ZFHX3: variants seen among roughly 807,000 people sequenced by gnomAD.
The protein encoded by ZFHX3 is zinc finger homeobox 3.
ZFHX3 carries 42 observed loss-of-function variants against 279.1 expected under a neutral mutation model. The observed-to-expected ratio is 0.15, with a 90% CI of 0.12 to 0.19. The LOEUF is 0.19. Among genes scored for constraint, ZFHX3 ranks in the 10% least tolerant of loss-of-function variants. ZFHX3 has a pLI of 1.00. For missense variants in ZFHX3, 4,981 were observed against 4,754.0 expected (o/e 1.05, Z -1.40); for synonymous variants, 2,293 against 1,957.8 (o/e 1.17, Z -4.52).
At chr16:73,040,846 AC>A (rs1965084734) in intron 1 of ZFHX3, among the ~76,000 whole-genome samples, 1 of 152,212 alleles carries the variant, frequency 6.6e-6, no homozygotes, top group Non-Finnish European at 1.5e-5. Context: ...TTTACTTCCC[AC>A]TACAAATGTA....
At chr16:73,270,440 G>A (rs1010979095) in intron 4 of ZFHX3, among the ~76,000 whole-genome samples, 8 of 152,262 alleles carry the variant, frequency 5.3e-5, no homozygotes, top group African/African-American at 1.9e-4. Context: ...CTTCCATGCT[G>A]AGCTCATCTC....
intron 3 of ZFHX3, among the ~76,000 whole-genome samples, chr16:73,394,192 GA>G (rs1321681501): frequency 6.7e-6 from 1 of 149,430 alleles, no homozygotes; most frequent in African/African-American, 2.5e-5. Flanking sequence ...ATAAAACGTC[GA>G]ATAAGGCAGG....
intron 2 of ZFHX3, among the ~76,000 whole-genome samples, chr16:73,474,558 G>C (rs891408997): frequency 6.6e-6 from 1 of 152,174 alleles, no homozygotes; most frequent in South Asian, 2.1e-4. Context: ...GGAAGCAGTG[G>C]TGGGGGTGGC....
chr16:73,033,938 A>G (rs1228030512), intron 1 of ZFHX3, among the ~76,000 whole-genome samples: 1 of 152,226 alleles, frequency 6.6e-6, no homozygotes, highest in Non-Finnish European at 1.5e-5. Context: ...TGAAAGCAGC[A>G]TCTTCTCTAG....
At chr16:73,870,407 A>C (rs1452200177) in intron 1 of ZFHX3, among the ~76,000 whole-genome samples, 1 of 152,178 alleles carries the variant, frequency 6.6e-6, no homozygotes, top group Non-Finnish European at 1.5e-5. Context: ...AGTCCTACGG[A>C]GGAGAGACAA....
intron 8 of ZFHX3, among the ~76,000 whole-genome samples, chr16:73,069,779 G>C (rs532627759): frequency 1.3e-5 from 2 of 152,244 alleles, no homozygotes; most frequent in South Asian, 4.1e-4. Flanking sequence ...CACTTCCCAC[G>C]GGCTTTGGCC....
chr16:73,691,452 CGG>C (rs2053148938), intron 1 of ZFHX3, among the ~76,000 whole-genome samples: 1 of 152,188 alleles, frequency 6.6e-6, no homozygotes, highest in Non-Finnish European at 1.5e-5. Context: ...GTGGGACCAT[CGG>C]CTTTATTTAG....
chr16:72,993,069 G>C (rs1963154262), intron 1 of ZFHX3, among the ~76,000 whole-genome samples: 1 of 152,250 alleles, frequency 6.6e-6, no homozygotes, highest in African/African-American at 2.4e-5. Flanking sequence ...CTGGGAGGTG[G>C]AGGCTGTGGT....
chr16:72,787,996 G>T lies in ZFHX3; in HGVS notation c.10280C>A (p.Thr3427Asn), dbSNP rs751991168. The change falls in exon 10 of 10, where the codon ACC becomes AAC. Residue 3427 changes from threonine (T) to asparagine (N), a missense_variant. Coordinates refer to ENST00000268489, the MANE Select transcript of ZFHX3 (RefSeq NM_006885.4). Reference protein sequence around the residue: ...ESPKPEEQKNTPREVSPLLPK... With the variant: ...ESPKPEEQKNNPREVSPLLPK... ...CAGGAGGGGGGACACCTCACGGGGG[G>T]TGTTTTTCTGTTCTTCTGGTTTGGG... is the stretch of plus-strand genomic sequence containing the variant. The T allele has an allele frequency of 5.0e-6, 8 of 1,612,988 alleles. No homozygotes were observed. The highest frequency in any genetic ancestry group is 3.3e-5 in the Admixed American group (2 of 59,940).
At chr16:73,568,553 G>A (rs1157755404) in intron 2 of ZFHX3, among the ~76,000 whole-genome samples, 3 of 152,204 alleles carry the variant, frequency 2.0e-5, no homozygotes, top group East Asian at 1.9e-4. Flanking sequence ...AAATCAACCC[G>A]TGTGGAACTT....
At chr16:73,631,097 CCA>C (rs2052464276) in intron 2 of ZFHX3, among the ~76,000 whole-genome samples, 1 of 152,086 alleles carries the variant, frequency 6.6e-6, no homozygotes. Context: ...GTGAAATGGG[CCA>C]TTACCAGTAA....
chr16:73,611,122 G>T (rs546501740), intron 2 of ZFHX3, among the ~76,000 whole-genome samples: 2 of 152,204 alleles, frequency 1.3e-5, no homozygotes, highest in Non-Finnish European at 2.9e-5. Flanking sequence ...TGAAAAGCAG[G>T]AGGAAGAAAG....
intron 4 of ZFHX3, among the ~76,000 whole-genome samples, chr16:73,312,724 T>C (rs1188836742): frequency 6.6e-6 from 1 of 152,204 alleles, no homozygotes; most frequent in Non-Finnish European, 1.5e-5. Flanking sequence ...TGCCTCGTTT[T>C]CCAGATGAGG....
chr16:73,266,348 T>A (rs935730074), intron 4 of ZFHX3, among the ~76,000 whole-genome samples: 3 of 152,240 alleles, frequency 2.0e-5, no homozygotes, highest in Non-Finnish European at 4.4e-5. Flanking sequence ...TTCTATTTAG[T>A]ATAGTTTATA....
chr16:73,100,383 A>G (rs989177378), intron 7 of ZFHX3, among the ~76,000 whole-genome samples: 16 of 152,084 alleles, frequency 1.1e-4, no homozygotes, highest in African/African-American at 3.9e-4. Flanking sequence ...GATCTCACCA[A>G]CGGGCATGCC....
At chr16:73,364,219 G>A (rs1444320410) in intron 3 of ZFHX3, among the ~76,000 whole-genome samples, 3 of 151,672 alleles carry the variant, frequency 2.0e-5, no homozygotes, top group African/African-American at 7.3e-5. Context: ...TAAGGTCATG[G>A]GTACATATAA....
intron 2 of ZFHX3, among the ~76,000 whole-genome samples, chr16:73,653,866 A>G (rs1369509320): frequency 6.6e-6 from 1 of 152,104 alleles, no homozygotes; most frequent in East Asian, 1.9e-4. Context: ...ACAGAATATG[A>G]CTGCAGATGG....
At chr16:73,724,288 G>T (rs2053499829) in intron 1 of ZFHX3, among the ~76,000 whole-genome samples, 1 of 152,216 alleles carries the variant, frequency 6.6e-6, no homozygotes, top group African/African-American at 2.4e-5. Context: ...CTAATTTGGA[G>T]ACTACTAATG....
At chr16:73,294,084 C>T (rs987815740) in intron 4 of ZFHX3, 1 of 144,156 alleles carries the variant, frequency 6.9e-6, no homozygotes, top group African/African-American at 2.6e-5. Flanking sequence ...TAAATTAATA[C>T]ATTTATAGTT....
Sources: gnomAD v4.1 joint callset for allele counts (sites outside exome capture counted in the v4.1 genomes callset) on GRCh38, gnomAD v4.1.1 for gene constraint, MANE v1.5 for transcripts, NCBI Gene and HGNC (gene_info 2026-07-23, HGNC 2026-07-21) for gene names.